The following LHFPL3 variants were observed in gnomAD, a reference collection of about 807,000 sequenced individuals.
LHFPL3 encodes LHFPL tetraspan subfamily member 3 protein.
A neutral mutation model predicts 19.3 loss-of-function variants in LHFPL3; 5 were observed. The ratio of observed to expected loss-of-function variants is 0.26; its 90% confidence interval spans 0.14 to 0.54. The LOEUF (loss-of-function observed/expected upper bound fraction) is 0.54. Ranked by LOEUF, LHFPL3 falls within the 20% of genes least tolerant of loss-of-function variation. The pLI is 0.94. For synonymous variants in LHFPL3, 133 were observed against 126.2 expected (o/e 1.05, Z -0.36); for missense variants, 249 against 307.4 (o/e 0.81, Z 1.42).
chr7:104,879,949 C>G (rs1051736239), intron 2 of LHFPL3, among the ~76,000 whole-genome samples: 1 of 152,002 alleles, frequency 6.6e-6, no homozygotes, highest in Non-Finnish European at 1.5e-5. Context: ...TCAAGCTACT[C>G]AAGTGGCTGA....
At chr7:104,800,886 G>A (rs761023558) in intron 2 of LHFPL3, among the ~76,000 whole-genome samples, 3 of 152,172 alleles carry the variant, frequency 2.0e-5, no homozygotes, top group Non-Finnish European at 4.4e-5. Context: ...AGCTCCTGAG[G>A]ACCCCAAAAT....
At chr7:104,895,652 A>G (rs879558402) in intron 2 of LHFPL3, 2 of 152,230 alleles carry the variant, frequency 1.3e-5, no homozygotes, top group Non-Finnish European at 2.9e-5. Flanking sequence ...CGGGATTTCT[A>G]AAAGAGTCAC....
chr7:104,607,872 A>C (rs1451092659), intron 1 of LHFPL3, among the ~76,000 whole-genome samples: 8 of 152,230 alleles, frequency 5.3e-5, no homozygotes, highest in Admixed American at 5.2e-4. Context: ...ACATTTATGC[A>C]GCCAAAAAAC....
intron 1 of LHFPL3, among the ~76,000 whole-genome samples, chr7:104,514,492 A>G (rs1793884005): frequency 1.3e-5 from 2 of 152,198 alleles, no homozygotes; most frequent in Admixed American, 1.3e-4. Context: ...GGTGCTCAAT[A>G]AATAATTTGT....
At chr7:104,430,388 A>ATATATATACACG (rs1791944911) in intron 1 of LHFPL3, among the ~76,000 whole-genome samples, 1 of 50,054 alleles carries the variant, frequency 2.0e-5, no homozygotes, top group African/African-American at 1.1e-4. Context: ...ATATACATAT[A>ATATATATACACG]TATATATATA....
intron 2 of LHFPL3, among the ~76,000 whole-genome samples, chr7:104,748,896 C>G (rs1794101665): frequency 6.6e-6 from 1 of 152,216 alleles, no homozygotes; most frequent in African/African-American, 2.4e-5. Context: ...ACATCTGGCG[C>G]CCAACGTGGG....
intron 1 of LHFPL3, among the ~76,000 whole-genome samples, chr7:104,430,397 T>TATATATACATATATATATATAC (rs1562895097): frequency 4.6e-5 from 2 of 43,212 alleles, no homozygotes; most frequent in African/African-American, 3.8e-4. Context: ...TATATATATA[T>TATATATACATATATATATATAC]ATATATACAT....
At chr7:104,427,724 C>T (rs896298258) in intron 1 of LHFPL3, among the ~76,000 whole-genome samples, 10 of 152,160 alleles carry the variant, frequency 6.6e-5, no homozygotes, top group African/African-American at 2.2e-4. Context: ...ATGAGCAGAC[C>T]AGTGGTTGAT....
chr7:104,713,781 A>G (rs924995053), intron 1 of LHFPL3, among the ~76,000 whole-genome samples: 2 of 152,208 alleles, frequency 1.3e-5, no homozygotes, highest in Admixed American at 6.5e-5. Flanking sequence ...AAGAAAGCCA[A>G]ATGAATTACA....
In LHFPL3 at chr7:104,409,026, G is replaced by A. The variant is rs544772788; in HGVS notation, c.445+79802G>A. On this transcript the variant is annotated intron_variant, in intron 1 of 2. Coordinates refer to ENST00000424859, the MANE Select transcript of LHFPL3 (RefSeq NM_199000.3). ...ACTACAGGCGCCTGCCACCACGCCC[G>A]GCTAATTTTTTTTTTTTTTTTTTGT... Among the ~76,000 whole-genome samples, 1,179 of 119,626 alleles carry A rather than the reference G, an allele frequency of 9.9e-3. 6 individuals are homozygous for A. Among genetic ancestry groups the A allele is most frequent in the Non-Finnish European group, 0.016 (938 of 57,980 alleles). 78.5% of individuals were successfully genotyped at this position (119,626 alleles called of 152,430 possible). A position where few individuals can be genotyped will look rare whatever the true frequency, so the allele number is the denominator to read the frequency against.
intron 1 of LHFPL3, among the ~76,000 whole-genome samples, chr7:104,389,414 G>A (rs866559507): frequency 6.6e-6 from 1 of 152,206 alleles, no homozygotes; most frequent in African/African-American, 2.4e-5. Flanking sequence ...TAGACCAGAC[G>A]ACATAATATG....
intron 2 of LHFPL3, among the ~76,000 whole-genome samples, chr7:104,840,258 A>C (rs1259298779): frequency 7.1e-6 from 1 of 140,506 alleles, no homozygotes; most frequent in Non-Finnish European, 1.6e-5. Flanking sequence ...ATTAAAAATC[A>C]TTTTCTTGAA....
chr7:104,831,726 C>A (rs760500275), intron 2 of LHFPL3, among the ~76,000 whole-genome samples: 8 of 151,902 alleles, frequency 5.3e-5, no homozygotes, highest in Non-Finnish European at 8.8e-5. Flanking sequence ...AAAAAAGATG[C>A]TTTAAAAAAT....
intron 1 of LHFPL3, among the ~76,000 whole-genome samples, chr7:104,365,801 A>AAAAAAAAAAAAAAAAAAAAAAG (rs893610992): frequency 4.2e-5 from 6 of 142,242 alleles, no homozygotes; most frequent in African/African-American, 1.3e-4. Flanking sequence ...AAAAAAAAAA[A>AAAAAAAAAAAAAAAAAAAAAAG]AAAAGAAAAG....
At chr7:104,397,948 C>G (rs542555121) in intron 1 of LHFPL3, among the ~76,000 whole-genome samples, 2 of 152,120 alleles carry the variant, frequency 1.3e-5, no homozygotes, top group African/African-American at 2.4e-5. Context: ...GCTTCAAATG[C>G]GCAGTTTCTC....
intron 1 of LHFPL3, among the ~76,000 whole-genome samples, chr7:104,588,447 G>A (rs1790631704): frequency 6.6e-6 from 1 of 152,146 alleles, no homozygotes; most frequent in African/African-American, 2.4e-5. Context: ...TATTATTTCT[G>A]AGGGTTCTGT....
intron 1 of LHFPL3, among the ~76,000 whole-genome samples, chr7:104,731,988 T>C (rs966686720): frequency 6.6e-6 from 1 of 152,114 alleles, no homozygotes; most frequent in East Asian, 1.9e-4. Context: ...TAATCATGTG[T>C]TTTTTGTCTT....
chr7:104,468,950 T>G (rs572659166), intron 1 of LHFPL3, among the ~76,000 whole-genome samples: 2 of 152,266 alleles, frequency 1.3e-5, no homozygotes, highest in Admixed American at 6.5e-5. Context: ...TGAGCCACAA[T>G]GCACGGCCTT....
At chr7:104,797,871 G>A (rs1790162768) in intron 2 of LHFPL3, among the ~76,000 whole-genome samples, 1 of 152,160 alleles carries the variant, frequency 6.6e-6, no homozygotes. Context: ...GGCTGAGATG[G>A]TGCCACTGCA....
Sources: allele counts gnomAD v4.1 joint callset (sites outside exome capture counted in the v4.1 genomes callset), GRCh38; gene constraint gnomAD v4.1.1; transcripts MANE v1.5; gene names NCBI Gene and HGNC (gene_info 2026-07-23, HGNC 2026-07-21).